ULK4: variants seen among roughly 807,000 people sequenced by gnomAD.
ULK4 encodes unc-51 like kinase 4, also known as inactive serine/threonine-protein kinase ULK4.
Under a neutral mutation model 160.6 loss-of-function variants are expected in ULK4, and 133 were observed. The ratio of observed to expected loss-of-function variants is 0.83; its 90% CI spans 0.72 to 0.96. ULK4 has a LOEUF of 0.96. ULK4 is among the 40% of genes least tolerant of loss of function. The probability of loss-of-function intolerance (pLI) is 0.00; values close to 1 mark genes in which losing one functional copy is unlikely to be tolerated. For synonymous variants in ULK4, 534 were observed against 539.8 expected, an observed-to-expected ratio of 0.99 and a Z score of 0.15; for missense variants, 1,580 against 1,499.5, an observed-to-expected ratio of 1.05 and a Z score of -0.89.
At chr3:41,653,107 C>A (rs9826092) in intron 30 of ULK4, among the ~76,000 whole-genome samples, 2 of 152,128 alleles carry the variant, frequency 1.3e-5, no homozygotes, top group Non-Finnish European at 2.9e-5. Context: ...AAAGAACTAG[C>A]CTTCGGGCAT....
intron 21 of ULK4, among the ~76,000 whole-genome samples, chr3:41,781,234 G>A (rs191163019): frequency 1.8e-3 from 268 of 151,928 alleles, no homozygotes; most frequent in African/African-American, 5.7e-3. Context: ...TGAACTCTGC[G>A]GTGAAACCCT....
At chr3:41,469,081 G>A (rs986830465) in intron 32 of ULK4, among the ~76,000 whole-genome samples, 2 of 152,068 alleles carry the variant, frequency 1.3e-5, no homozygotes, top group Non-Finnish European at 2.9e-5. Flanking sequence ...CAGCCTCCAG[G>A]ACCAGCCTCA....
intron 17 of ULK4, among the ~76,000 whole-genome samples, chr3:41,874,350 A>G (rs1439896174): frequency 6.6e-6 from 1 of 152,222 alleles, no homozygotes; most frequent in East Asian, 1.9e-4. Flanking sequence ...TTCAGGAAGA[A>G]CTAAGTTAAA....
chr3:41,625,177 G>T (rs537188179), intron 30 of ULK4, among the ~76,000 whole-genome samples: 1 of 152,256 alleles, frequency 6.6e-6, no homozygotes, highest in African/African-American at 2.4e-5. Flanking sequence ...TTAATTAAAA[G>T]AATAAAACAG....
intron 31 of ULK4, among the ~76,000 whole-genome samples, chr3:41,593,595 G>A (rs529267811): frequency 1.3e-5 from 2 of 152,272 alleles, no homozygotes; most frequent in East Asian, 3.9e-4. Context: ...GAGATACACA[G>A]AAATATATAC....
At chr3:41,748,767 C>T (rs1459458134) in intron 22 of ULK4, among the ~76,000 whole-genome samples, 2 of 152,204 alleles carry the variant, frequency 1.3e-5, no homozygotes, top group Non-Finnish European at 2.9e-5. Context: ...TCTCTGTTTT[C>T]ACCCCCTTTC....
In ULK4 at chr3:41,845,952, T is replaced by C. The variant is rs976250158; in HGVS notation, c.1657-9981A>G. Among the ~76,000 whole-genome samples the C allele has an allele frequency of 5.3e-5, 8 of 152,234 alleles. No homozygotes were observed. The East Asian group carries it at 1.5e-3, about 29-fold the overall frequency. On this transcript the variant is annotated intron_variant, in intron 17 of 36. Transcript: ENST00000301831. ...CAGGGATTTACAGCATTTCTCCATT[T>C]TATAATCCACTAGTATTTTGTGTCA...
At chr3:41,786,420 G>A (rs1194022860) in intron 21 of ULK4, among the ~76,000 whole-genome samples, 1 of 151,900 alleles carries the variant, frequency 6.6e-6, no homozygotes, top group Non-Finnish European at 1.5e-5. Context: ...GGGCAACATA[G>A]CAAGACCCCA....
rs908676439 is a variant in ULK4, at chr3:41,722,400, G to A, written c.2322-4539C>T. On this transcript the variant is annotated intron_variant, in intron 22 of 36. Coordinates refer to ENST00000301831, the MANE Select transcript of ULK4 (RefSeq NM_017886.4). ...TCCCAGCACTTTGGGAGGCCATGGC[G>A]GGTGGATCACCTGAGGTCAGGAGTT... Among the ~76,000 whole-genome samples the A allele has an allele frequency of 2.6e-5, 4 of 152,182 alleles. No homozygotes were observed. The South Asian group carries it at 8.3e-4, about 32-fold the overall frequency.
chr3:41,839,832 C>T (rs867654861), intron 17 of ULK4, among the ~76,000 whole-genome samples: 14 of 151,950 alleles, frequency 9.2e-5, no homozygotes, highest in Middle Eastern at 3.2e-3. Context: ...CATTTACAAT[C>T]CCCCCCAAAA....
At chr3:41,307,684 G>A (rs1298219934) in intron 35 of ULK4, among the ~76,000 whole-genome samples, 1 of 152,016 alleles carries the variant, frequency 6.6e-6, no homozygotes, top group Non-Finnish European at 1.5e-5. Context: ...TAAAAATTCA[G>A]CTGGGCGTGG....
At chr3:41,353,741 C>G (rs1332683040) in intron 35 of ULK4, among the ~76,000 whole-genome samples, 1 of 147,482 alleles carries the variant, frequency 6.8e-6, no homozygotes, top group Non-Finnish European at 1.5e-5. Context: ...ACTACTACTA[C>G]TACTACTACT....
intron 33 of ULK4, among the ~76,000 whole-genome samples, chr3:41,458,756 T>G (rs1318121265): frequency 2.0e-5 from 3 of 152,180 alleles, no homozygotes; most frequent in Admixed American, 1.3e-4. Context: ...AAGTAGTTCC[T>G]GTCTTATTTA....
In ULK4 at chr3:41,900,814, G is replaced by C; in HGVS notation, c.1198C>G (p.Leu400Val). The C allele has an allele frequency of 1.2e-6, 2 of 1,613,334 alleles. No individual in the cohort carries two copies. The highest frequency in any genetic ancestry group is 1.7e-6 in the Non-Finnish European group (2 of 1,179,574). ...TGGGATTCCAGGTCCTGCTGACTCA[G>C]GTGTCCACTTGTAATCTGAAATGAG... ...SPLTKITSGH[L>V]SQQDLESQMR... The change falls in exon 13 of 37, where the codon CTG (leucine) becomes GTG (valine). Residue 400 changes from leucine to valine, a missense_variant. Transcript: ENST00000301831.
chr3:41,480,019 A>C (rs2084266029), intron 32 of ULK4, among the ~76,000 whole-genome samples: 1 of 152,082 alleles, frequency 6.6e-6, no homozygotes, highest in South Asian at 2.1e-4. Context: ...CATCCTGGCT[A>C]ACACGATGAA....
At chr3:41,705,395 TA>T in intron 25 of ULK4, 90 bp from the exon 26 acceptor site, 1 of 900,900 alleles carries the variant, frequency 1.1e-6, no homozygotes, top group Non-Finnish European at 1.7e-6. Flanking sequence ...AAACTGTACC[TA>T]TTGTTTTTAA....
At chr3:41,829,413 T>C (rs542461964) in intron 18 of ULK4, among the ~76,000 whole-genome samples, 4 of 144,688 alleles carry the variant, frequency 2.8e-5, no homozygotes, top group Admixed American at 2.7e-4. Context: ...AAAGGGCTAA[T>C]ATCCAGAATC....
chr3:41,484,858 G>C (rs1263377381), intron 32 of ULK4, among the ~76,000 whole-genome samples: 1 of 152,138 alleles, frequency 6.6e-6, no homozygotes, highest in African/African-American at 2.4e-5. Context: ...GAGTCAGATT[G>C]TGGTAAATGA....
chr3:41,447,838 G>C (rs1206481106), intron 34 of ULK4, among the ~76,000 whole-genome samples: 2 of 152,264 alleles, frequency 1.3e-5, no homozygotes, highest in East Asian at 3.9e-4. Flanking sequence ...GCTGCCCAAT[G>C]AATGTCAGGG....
Sources: gnomAD v4.1 joint callset for allele counts (sites outside exome capture counted in the v4.1 genomes callset) on GRCh38, gnomAD v4.1.1 for gene constraint, MANE v1.5 for transcripts, NCBI Gene and HGNC (gene_info 2026-07-23, HGNC 2026-07-21) for gene names.